Variants in PSMG1 observed in about 807,000 individuals in gnomAD.
The protein encoded by PSMG1 is Down syndrome critical region gene 2.
In PSMG1, 23 loss-of-function variants were observed where a neutral mutation model predicts 37.2. The observed-to-expected ratio is 0.62, with a 90% CI of 0.44 to 0.88. PSMG1 has a LOEUF of 0.88. Among genes scored for constraint, PSMG1 ranks in the 40% least tolerant of loss-of-function variants. PSMG1 has a pLI of 0.00. For synonymous variants in PSMG1, 127 were observed against 128.0 expected, an observed-to-expected ratio of 0.99 and a Z score of 0.05; for missense variants, 340 against 344.2, an observed-to-expected ratio of 0.99 and a Z score of 0.10.
At chr21:39,183,183 C>T in intron 1 of PSMG1, 69 bp downstream of exon 1, 2 of 1,441,234 alleles carry the variant, frequency 1.4e-6, no homozygotes, top group Non-Finnish European at 1.8e-6. Flanking sequence ...CCTTAGGCGC[C>T]GTCGCGGCTG....
intron 6 of PSMG1, among the ~76,000 whole-genome samples, chr21:39,175,992 A>C (rs1427510220): frequency 2.0e-5 from 3 of 151,944 alleles, no homozygotes; most frequent in Non-Finnish European, 4.4e-5. Flanking sequence ...CTCTCCTCAC[A>C]CTTTCCCACT....
Position 39,178,571 on chromosome 21 carries a change from G to A in PSMG1, c.533C>T (p.Ser178Leu), listed in dbSNP as rs2030709026. Residue 178 changes from serine (S) to leucine (L), a missense_variant, in exon 5 of 7, where the codon TCA becomes TTA. Transcript: ENST00000331573. ...AGAAGGAAGGCTGCCGGTGGATTCT[G>A]AGGTTTTATAATCGGTAACATGTCG... ...TCRHVTDYKT[S>L]ESTGSLPSPF... is the part of the protein sequence containing the mutation. The A allele has an allele frequency of 3.7e-6, 6 of 1,614,124 alleles. No homozygotes were observed. Among genetic ancestry groups the A allele is most frequent in the Non-Finnish European group, 4.2e-6 (5 of 1,180,008 alleles).
In PSMG1 at chr21:39,183,317, CTCCTCTTCG is replaced by C; in HGVS notation, c.60_68del (p.Asp20_Glu22del). The C allele has an allele frequency of 6.3e-7, 1 of 1,581,320 alleles. No individual in the cohort carries two copies. Among genetic ancestry groups the C allele is most frequent in the Non-Finnish European group, 8.6e-7 (1 of 1,166,212 alleles). On this transcript the variant is annotated inframe_deletion, in exon 1 of 7. Coordinates refer to ENST00000331573, the MANE Select transcript of PSMG1 (RefSeq NM_003720.4). The stretch of plus-strand genomic sequence containing the variant: ...GCGTCTCCCTCCGCCCCTCCTCCTC[CTCCTCTTCG>C]TCCTCAGTCCCAGCTCGGCACGGCG...
chr21:39,181,172 C>T lies in PSMG1; in HGVS notation c.241+600G>A, dbSNP rs2030812512. Among the ~76,000 whole-genome samples, 5 of 152,162 alleles carry T rather than the reference C, an allele frequency of 3.3e-5. No homozygotes were observed. The South Asian group carries it at 1.0e-3, about 32-fold the overall frequency. ...TCTGAGTTGGGGTCTTGCTTTGTTA[C>T]CCAAGCTGGAGCACGATCAGTGGGA... On this transcript the variant is annotated intron_variant, in intron 2 of 6. Coordinates refer to ENST00000331573, the MANE Select transcript of PSMG1 (RefSeq NM_003720.4).
At chr21:39,183,085 G>A (rs1211881382) in intron 1 of PSMG1, 167 bp downstream of exon 1, 35 of 862,546 alleles carry the variant, frequency 4.1e-5, no homozygotes, top group Non-Finnish European at 5.1e-5. Flanking sequence ...GCCGCTGGAC[G>A]CCGCGGCTTC....
At position 39,180,305 on chromosome 21, in the gene PSMG1, G is replaced by A; in HGVS notation, c.373C>T (p.His125Tyr). 1 of 1,605,796 alleles carries A rather than the reference G, an allele frequency of 6.2e-7. No individual in the cohort carries two copies. The stretch of plus-strand genomic sequence containing the variant: ...CCTACCGAGGGATTGGATTTTAGAT[G>A]ATAAAACACACAAAAAGCCTCTGTG... ...SSTEAFCVFY[H>Y]LKSNPSVFLC... The change falls in exon 3 of 7, where the codon CAT becomes TAT. Residue 125 changes from histidine (H) to tyrosine (Y), a missense_variant. Physicochemically the swap from His to Tyr is moderately conservative, Grantham distance 83 (BLOSUM62 2). Coordinates refer to ENST00000331573, the MANE Select transcript of PSMG1 (RefSeq NM_003720.4).
At chr21:39,178,716 G>A (rs1026289422) in intron 4 of PSMG1, 69 bp from the exon 5 acceptor site, 12 of 1,391,700 alleles carry the variant, frequency 8.6e-6, no homozygotes, top group Admixed American at 6.0e-5. Flanking sequence ...CATTCCTCTA[G>A]GTATTCACCT....
chr21:39,179,115 TG>T (rs567430722), intron 4 of PSMG1, among the ~76,000 whole-genome samples: 1 of 152,266 alleles, frequency 6.6e-6, no homozygotes, highest in South Asian at 2.1e-4. Context: ...GTGATCTGCC[TG>T]CTCCCCCTTC....
rs1481892285 is a variant in PSMG1 at position 39,183,390 on chromosome 21, G to A, written c.-5C>T. 4.7e-5 allele frequency: 74 copies of A among 1,575,562 alleles called. No homozygotes were observed. The highest frequency in any genetic ancestry group is 6.3e-5 in the Non-Finnish European group (74 of 1,165,488). On this transcript the variant is annotated 5_prime_UTR_variant, in exon 1 of 7. Coordinates refer to ENST00000331573, the MANE Select transcript of PSMG1 (RefSeq NM_003720.4). ...TCCGAAGAACGTGGCCGCCATAGCC[G>A]CCCCGTGACCGGCTGGACACAACTG...
chr21:39,179,942 C>T lies in PSMG1; in HGVS notation c.438G>A (p.Gln146=), dbSNP rs1488641517. The change falls in exon 4 of 7, where the codon CAG becomes CAA. Residue 146 remains glutamine (Q), a synonymous_variant. Coordinates refer to ENST00000331573, the MANE Select transcript of PSMG1 (RefSeq NM_003720.4). ...QCSCYVAEDQ[Q]YQWLEKVFGS... ...CTCTTACCTTTTCCAGCCACTGATA[C>T]TGTTGATCTTCTGCAACATAGCAAC... 3.1e-6 allele frequency: 5 copies of T among 1,612,906 alleles called. No homozygotes were observed. In the African/African-American group the frequency reaches 6.7e-5, roughly 22 times the overall value.
chr21:39,181,609 A>C (rs79478789), intron 2 of PSMG1, among the ~76,000 whole-genome samples, 163 bp downstream of exon 2: 17,295 of 151,982 alleles, frequency 0.11, 1,376 homozygotes, highest in Non-Finnish European at 0.16. Context: ...CAAAACAAAA[A>C]AAAATGATGC....
chr21:39,183,060 A>C (rs1164639143), intron 1 of PSMG1, 192 bp downstream of exon 1: 8 of 664,870 alleles, frequency 1.2e-5, no homozygotes, highest in Non-Finnish European at 1.6e-5. Flanking sequence ...AGAACCACAC[A>C]CACCTGGGGC....
chr21:39,181,728 C>T, intron 2 of PSMG1, 44 bp downstream of exon 2: 1 of 1,296,134 alleles, frequency 7.7e-7, no homozygotes, highest in Non-Finnish European at 1.1e-6. Flanking sequence ...AAGTATATTT[C>T]ATTCTTTCAA....
chr21:39,179,715 G>A (rs897275008), intron 4 of PSMG1, among the ~76,000 whole-genome samples: 7 of 152,008 alleles, frequency 4.6e-5, no homozygotes, highest in Non-Finnish European at 1.0e-4. Context: ...TCAGCATTGA[G>A]GACGGGAGGA....
chr21:39,182,455 G>A (rs923641236), intron 1 of PSMG1, among the ~76,000 whole-genome samples: 2 of 152,202 alleles, frequency 1.3e-5, no homozygotes, highest in African/African-American at 2.4e-5. Context: ...ACTGTAAAAT[G>A]TCATGTTTGA....
At chr21:39,175,757 G>A (rs902304662) in intron 6 of PSMG1, 93 bp from the exon 7 acceptor site, 2 of 827,858 alleles carry the variant, frequency 2.4e-6, no homozygotes, top group Non-Finnish European at 4.1e-6. Flanking sequence ...CTCCACACTC[G>A]AGACTTAAAA....
rs1194549531 is a variant in PSMG1 at position 39,177,507 on chromosome 21, C to T, written c.720G>A (p.Met240Ile). 8 of 1,607,910 alleles carry T rather than the reference C, an allele frequency of 5.0e-6. No individual in the cohort carries two copies. The South Asian group carries it at 8.9e-5, about 18-fold the overall frequency. Residue 240 changes from methionine (M) to isoleucine (I), a missense_variant, in exon 6 of 7, where the codon ATG becomes ATA. Transcript: ENST00000331573. ...CTTCCACTGTGATTAGGTCTAATTT[C>T]ATCACATCAGTATAACACAAGTACA... ...AILYLCYTDV[M>I]KLDLITVEAF...
At chr21:39,179,532 A>G (rs1237828147) in intron 4 of PSMG1, among the ~76,000 whole-genome samples, 3 of 152,196 alleles carry the variant, frequency 2.0e-5, no homozygotes, top group East Asian at 1.9e-4. Flanking sequence ...GTCCTCTTCT[A>G]TAAGTAGAAG....
At chr21:39,179,085 C>G (rs1276504717) in intron 4 of PSMG1, among the ~76,000 whole-genome samples, 1 of 152,108 alleles carries the variant, frequency 6.6e-6, no homozygotes, top group Non-Finnish European at 1.5e-5. Context: ...GGCTCCTCCC[C>G]TCTCTCATGC....
Sources: allele counts gnomAD v4.1 joint callset (sites outside exome capture counted in the v4.1 genomes callset), GRCh38; gene constraint gnomAD v4.1.1; transcripts MANE v1.5; gene names NCBI Gene and HGNC (gene_info 2026-07-23, HGNC 2026-07-21).